Variants in PRDM5 observed in about 807,000 individuals in gnomAD.
PRDM5 encodes PR/SET domain 5.
A neutral mutation model predicts 81.2 loss-of-function variants in PRDM5; 56 were observed. The observed-to-expected ratio is 0.69, with a 90% CI of 0.56 to 0.86. The LOEUF is 0.86. Ranked by LOEUF, PRDM5 falls within the 40% of genes least tolerant of loss-of-function variation. The pLI is 0.00. For missense variants in PRDM5, 697 were observed against 770.1 expected (o/e 0.91, Z 1.12); for synonymous variants, 267 against 256.4 (o/e 1.04, Z -0.39).
At chr4:120,704,477 T>C (rs967083356) in intron 15 of PRDM5, among the ~76,000 whole-genome samples, 1 of 152,210 alleles carries the variant, frequency 6.6e-6, no homozygotes, top group Non-Finnish European at 1.5e-5. Context: ...TTATTCTTAC[T>C]CTAGACTGGA....
At chr4:120,814,587 C>G (rs535313961) in intron 7 of PRDM5, among the ~76,000 whole-genome samples, 20 of 152,320 alleles carry the variant, frequency 1.3e-4, no homozygotes, top group Middle Eastern at 3.4e-3. Flanking sequence ...TCATCATCCT[C>G]AATTCATATC....
downstream of PRDM5, among the ~76,000 whole-genome samples, chr4:120,689,967 G>C (rs552834270): frequency 2.6e-5 from 4 of 151,976 alleles, no homozygotes; most frequent in African/African-American, 9.7e-5. Flanking sequence ...CCATCAGTTT[G>C]CCAATTTAAA....
chr4:120,727,765 G>A (rs924057103), intron 14 of PRDM5, among the ~76,000 whole-genome samples: 3 of 151,962 alleles, frequency 2.0e-5, no homozygotes, highest in South Asian at 2.1e-4. Flanking sequence ...GTGAAACCCC[G>A]ACTGTACTAA....
intron 2 of PRDM5, among the ~76,000 whole-genome samples, chr4:120,873,074 T>G (rs1020473440): frequency 6.6e-6 from 1 of 152,192 alleles, no homozygotes; most frequent in Non-Finnish European, 1.5e-5. Flanking sequence ...CAATCTCTGC[T>G]CACTGCAACC....
chr4:120,696,891 T>C (rs13134136), intron 15 of PRDM5, among the ~76,000 whole-genome samples: 26,225 of 152,108 alleles, frequency 0.17, 2,588 homozygotes, highest in Non-Finnish European at 0.24. Flanking sequence ...GCAGCCAATT[T>C]ATCTCAGGAA....
In PRDM5 at chr4:120,695,011, A is replaced by G; in HGVS notation, c.*100T>C. The G allele has an allele frequency of 1.5e-6, 2 of 1,351,656 alleles. No individual in the cohort carries two copies. 83.7% of individuals were successfully genotyped at this position (1,351,656 alleles called of 1,614,324 possible). On this transcript the variant is annotated 3_prime_UTR_variant, in exon 16 of 16. Coordinates refer to ENST00000264808, the MANE Select transcript of PRDM5 (RefSeq NM_018699.4). The stretch of plus-strand genomic sequence containing the variant: ...GGCAAATAAGAACTATGAGACCAGT[A>G]AGTCACTTTTGGCTACTTCTGTTAT...
intron 1 of PRDM5, among the ~76,000 whole-genome samples, chr4:120,918,910 C>A (rs180834584): frequency 6.6e-6 from 1 of 152,262 alleles, no homozygotes; most frequent in Admixed American, 6.5e-5. Context: ...AAAGGAGAGG[C>A]GGAGACAGGA....
rs116313811 is a variant in PRDM5 at position 120,906,771 on chromosome 4, C to T, written c.177+703G>A. On this transcript the variant is annotated intron_variant, in intron 2 of 15. Transcript: ENST00000264808. ...TTTAAAGGTAAAGTACATTTTAAGG[C>T]GGGATTTTTGTTACAACATGAAACT... Among the ~76,000 whole-genome samples the T allele has an allele frequency of 1.7e-3, 263 of 152,088 alleles. 1 individual carries two copies. Among genetic ancestry groups the T allele is most frequent in the Non-Finnish European group, 3.1e-3 (209 of 67,986 alleles).
At chr4:120,851,565 C>A (rs534201360) in intron 3 of PRDM5, among the ~76,000 whole-genome samples, 3 of 151,866 alleles carry the variant, frequency 2.0e-5, no homozygotes, top group African/African-American at 7.2e-5. Flanking sequence ...TGCCAGAGAT[C>A]CTATTTTCCA....
chr4:120,908,870 C>G (rs1363865602), intron 1 of PRDM5, among the ~76,000 whole-genome samples: 2 of 152,212 alleles, frequency 1.3e-5, no homozygotes, highest in South Asian at 2.1e-4. Flanking sequence ...TCATGCCTCA[C>G]TAGTCCCCTC....
intron 8 of PRDM5, among the ~76,000 whole-genome samples, chr4:120,801,437 G>T (rs1473670536): frequency 6.6e-6 from 1 of 152,246 alleles, no homozygotes; most frequent in Non-Finnish European, 1.5e-5. Flanking sequence ...GCCCAAGCAC[G>T]TGGCAGTTTG....
chr4:120,801,774 C>A (rs531849091), intron 8 of PRDM5, among the ~76,000 whole-genome samples: 4 of 152,132 alleles, frequency 2.6e-5, no homozygotes, highest in Admixed American at 1.3e-4. Context: ...ACTTCCACAG[C>A]GGCTTCAGTT....
intron 4 of PRDM5, 63 bp from the exon 5 acceptor site, chr4:120,818,590 T>C (rs1289697679): frequency 5.7e-6 from 8 of 1,405,408 alleles, no homozygotes; most frequent in African/African-American, 1.4e-5. Context: ...ATGCTCAGTT[T>C]TGCTCTCATT....
chr4:120,887,585 A>G (rs1288636635), intron 2 of PRDM5, among the ~76,000 whole-genome samples: 5 of 152,018 alleles, frequency 3.3e-5, no homozygotes, highest in Non-Finnish European at 7.4e-5. Context: ...CCTACACACC[A>G]CTACTGGTCT....
At chr4:120,808,927 C>T (rs1044493584) in intron 8 of PRDM5, among the ~76,000 whole-genome samples, 4 of 152,344 alleles carry the variant, frequency 2.6e-5, no homozygotes, top group African/African-American at 4.8e-5. Context: ...CAGGCAGCCC[C>T]GGTTCCCGCC....
chr4:120,784,787 T>C (rs1749522261), intron 11 of PRDM5, among the ~76,000 whole-genome samples: 2 of 151,922 alleles, frequency 1.3e-5, no homozygotes, highest in Admixed American at 1.3e-4. Context: ...AAATAAAATA[T>C]CTCATAAAAT....
rs144573259 is a variant in PRDM5, at chr4:120,855,217, T to G, written c.178-1677A>C. On this transcript the variant is annotated intron_variant, in intron 2 of 15. Transcript: ENST00000264808. ...CTTATATGTGACATACTGCCATGTTTCTCAAACAATTCCTGTTTTCTTAAG... is the reference window on the plus strand; with the variant it reads ...CTTATATGTGACATACTGCCATGTTGCTCAAACAATTCCTGTTTTCTTAAG... Among the ~76,000 whole-genome samples the G allele has an allele frequency of 2.6e-4, 39 of 152,322 alleles. No individual in the cohort carries two copies. The East Asian group carries it at 7.3e-3, about 29-fold the overall frequency.
At chr4:120,784,104 A>G (rs1455849911) in intron 11 of PRDM5, among the ~76,000 whole-genome samples, 1 of 152,104 alleles carries the variant, frequency 6.6e-6, no homozygotes, top group East Asian at 1.9e-4. Context: ...TTAATTTTAG[A>G]TATAGTACTG....
At chr4:120,831,128 A>AT (rs1341894534) in intron 3 of PRDM5, among the ~76,000 whole-genome samples, 2 of 152,210 alleles carry the variant, frequency 1.3e-5, no homozygotes, top group African/African-American at 4.8e-5. Context: ...TTGACAAACC[A>AT]TGAAAGTGTT....
Sources: gnomAD v4.1 joint callset for allele counts (sites outside exome capture counted in the v4.1 genomes callset) on GRCh38, gnomAD v4.1.1 for gene constraint, MANE v1.5 for transcripts, NCBI Gene and HGNC (gene_info 2026-07-23, HGNC 2026-07-21) for gene names.